ARID4A: variants seen among roughly 807,000 people sequenced by gnomAD.
ARID4A encodes the protein AT-rich interactive domain-containing protein 4A.
A neutral mutation model predicts 148.6 loss-of-function variants in ARID4A; 39 were observed. The ratio of observed to expected loss-of-function variants is 0.26; its 90% CI spans 0.20 to 0.34. ARID4A has a LOEUF of 0.34. Among genes scored for constraint, ARID4A ranks in the 10% least tolerant of loss-of-function variants. The pLI, the probability that ARID4A is intolerant of heterozygous loss-of-function variation, is 1.00. For missense variants in ARID4A, 1,265 were observed against 1,449.1 expected (o/e 0.87, Z 2.06); for synonymous variants, 475 against 481.2 (o/e 0.99, Z 0.17).
intron 8 of ARID4A, among the ~76,000 whole-genome samples, chr14:58,324,619 C>G (rs1019388643): frequency 2.6e-5 from 4 of 152,052 alleles, no homozygotes; most frequent in African/African-American, 4.8e-5. Context: ...CATGATAGTC[C>G]CATTCTCAGA....
chr14:58,371,213 T>G (rs1299509754), intron 23 of ARID4A, among the ~76,000 whole-genome samples: 1 of 152,056 alleles, frequency 6.6e-6, no homozygotes, highest in Admixed American at 6.6e-5. Context: ...CCCCAGAGGT[T>G]GTCATGATAC....
chr14:58,313,813 AAGG>A (rs1594878341), intron 5 of ARID4A, among the ~76,000 whole-genome samples: 1 of 152,244 alleles, frequency 6.6e-6, no homozygotes, highest in African/African-American at 2.4e-5. Flanking sequence ...CCAAGGGCAG[AAGG>A]AGAAGAGTGT....
At chr14:58,368,723 C>G (rs766653171) in intron 23 of ARID4A, among the ~76,000 whole-genome samples, 3 of 151,830 alleles carry the variant, frequency 2.0e-5, no homozygotes, top group African/African-American at 4.8e-5. Context: ...AATGAAATAT[C>G]TTGGTGATGG....
At chr14:58,299,555 C>T in intron 1 of ARID4A, 1 of 523,334 alleles carries the variant, frequency 1.9e-6, no homozygotes, top group African/African-American at 1.9e-5. Context: ...TCAAAGTGGC[C>T]AGCGAGGCGG....
chr14:58,309,785 CAAG>C (rs1301683754), intron 5 of ARID4A, among the ~76,000 whole-genome samples: 1 of 152,168 alleles, frequency 6.6e-6, no homozygotes, highest in African/African-American at 2.4e-5. Context: ...GTTTTTGTAA[CAAG>C]AAGTGCTTAA....
intron 11 of ARID4A, among the ~76,000 whole-genome samples, chr14:58,334,681 G>A (rs1183376343): frequency 6.6e-6 from 1 of 152,062 alleles, no homozygotes; most frequent in Admixed American, 6.6e-5. Flanking sequence ...TTCGCTCAAG[G>A]CACAATTGAT....
intron 5 of ARID4A, among the ~76,000 whole-genome samples, chr14:58,317,433 C>G (rs919735350): frequency 8.1e-5 from 12 of 148,574 alleles, no homozygotes; most frequent in South Asian, 2.1e-4. Flanking sequence ...TACAGGCGCC[C>G]GCCACCACGT....
At chr14:58,320,630 C>T (rs558597407) in intron 7 of ARID4A, among the ~76,000 whole-genome samples, 24 of 142,296 alleles carry the variant, frequency 1.7e-4, no homozygotes, top group African/African-American at 5.8e-4. Context: ...TCCCCTGAGA[C>T]GGAGTCTCGC....
intron 16 of ARID4A, among the ~76,000 whole-genome samples, chr14:58,351,969 C>T (rs2034660066): frequency 1.3e-5 from 2 of 152,264 alleles, no homozygotes; most frequent in African/African-American, 4.8e-5. Context: ...CCAGCAAGAT[C>T]AAGGTAGTCT....
chr14:58,336,410 T>C (rs927249711), intron 11 of ARID4A, among the ~76,000 whole-genome samples: 1 of 152,242 alleles, frequency 6.6e-6, no homozygotes, highest in East Asian at 1.9e-4. Context: ...ACCTATGTAG[T>C]CATTTTGACC....
chr14:58,323,978 C>G (rs2140177532), intron 8 of ARID4A, among the ~76,000 whole-genome samples: 2 of 143,276 alleles, frequency 1.4e-5, no homozygotes, highest in East Asian at 2.1e-4. Context: ...GATCTCGGCT[C>G]ACTGCAAGCT....
intron 8 of ARID4A, among the ~76,000 whole-genome samples, chr14:58,326,000 A>G (rs2140181917): frequency 6.6e-6 from 1 of 151,856 alleles, no homozygotes; most frequent in Non-Finnish European, 1.5e-5. Context: ...TAACAGTAAT[A>G]TAAAATAGTA....
intron 19 of ARID4A, 88 bp downstream of exon 19, chr14:58,361,130 T>A: frequency 2.0e-6 from 3 of 1,473,360 alleles, no homozygotes; most frequent in Middle Eastern, 1.8e-4. Flanking sequence ...TGGCTGACTT[T>A]AAAAAAAATC....
intron 11 of ARID4A, among the ~76,000 whole-genome samples, chr14:58,331,884 G>T (rs1240691751): frequency 1.3e-5 from 1 of 76,498 alleles, no homozygotes; most frequent in Non-Finnish European, 2.4e-5. Flanking sequence ...TTTAGCTTTT[G>T]TTTTTTAAAT....
At chr14:58,343,107 C>T (rs1297118174) in intron 11 of ARID4A, among the ~76,000 whole-genome samples, 1 of 152,106 alleles carries the variant, frequency 6.6e-6, no homozygotes, top group African/African-American at 2.4e-5. Context: ...CTTGAGTTAA[C>T]TCATTGGCAG....
At chr14:58,306,542 A>T (rs1296623043) in intron 5 of ARID4A, among the ~76,000 whole-genome samples, 2 of 152,176 alleles carry the variant, frequency 1.3e-5, no homozygotes, top group African/African-American at 4.8e-5. Flanking sequence ...GGTGATTGTT[A>T]ACTTAGTTTT....
At chr14:58,346,653 C>T in intron 13 of ARID4A, 148 bp downstream of exon 13, 1 of 573,400 alleles carries the variant, frequency 1.7e-6, no homozygotes, top group Non-Finnish European at 2.9e-6. Flanking sequence ...CCTGGCCAGG[C>T]ACGGTGGCTC....
chr14:58,305,108 G>T, intron 4 of ARID4A, 99 bp downstream of exon 4: 1 of 1,001,872 alleles, frequency 1.0e-6, no homozygotes, highest in Non-Finnish European at 1.5e-6. Flanking sequence ...TTATGAGAAC[G>T]TTAATCAGAA....
intron 5 of ARID4A, among the ~76,000 whole-genome samples, chr14:58,316,725 C>T (rs2032442267): frequency 1.3e-5 from 2 of 152,064 alleles, no homozygotes; most frequent in South Asian, 2.1e-4. Context: ...AGATTACAGG[C>T]GTGTGCCACC....
Sources: gnomAD v4.1 joint callset for allele counts (sites outside exome capture counted in the v4.1 genomes callset) on GRCh38, gnomAD v4.1.1 for gene constraint, MANE v1.5 for transcripts, NCBI Gene and HGNC (gene_info 2026-07-23, HGNC 2026-07-21) for gene names.